The following ZBTB20 variants were observed in gnomAD, a reference collection of about 807,000 sequenced individuals.
ZBTB20 encodes the protein zinc finger and BTB domain-containing protein 20.
Under a neutral mutation model 56.9 loss-of-function variants are expected in ZBTB20, and 9 were observed. That is an observed-to-expected ratio of 0.16 (90% confidence interval 0.10 to 0.28). The LOEUF is 0.28. Among genes scored for constraint, ZBTB20 ranks in the 10% least tolerant of loss-of-function variants. ZBTB20 has a pLI of 1.00. For missense variants in ZBTB20, 655 were observed against 1,003.0 expected, an observed-to-expected ratio of 0.65 and a Z score of 4.69; for synonymous variants, 417 against 420.7, an observed-to-expected ratio of 0.99 and a Z score of 0.11.
At chr3:114,545,712 T>C (rs1198281315) in intron 6 of ZBTB20, among the ~76,000 whole-genome samples, 2 of 152,182 alleles carry the variant, frequency 1.3e-5, no homozygotes, top group Non-Finnish European at 2.9e-5. Context: ...TGAGTACATA[T>C]TACAAGCTTC....
intron 7 of ZBTB20, among the ~76,000 whole-genome samples, chr3:114,422,721 G>C (rs1244843751): frequency 6.6e-6 from 1 of 152,124 alleles, no homozygotes; most frequent in Non-Finnish European, 1.5e-5. Flanking sequence ...TGTAACCGCT[G>C]ATTATTTAGG....
chr3:114,786,175 G>A (rs570210680), intron 5 of ZBTB20, among the ~76,000 whole-genome samples: 1 of 151,726 alleles, frequency 6.6e-6, no homozygotes, highest in African/African-American at 2.4e-5. Context: ...TAAGTTCTGG[G>A]ATACATGTGC....
At chr3:115,011,413 A>T (rs957860442) in intron 2 of ZBTB20, among the ~76,000 whole-genome samples, 4 of 151,890 alleles carry the variant, frequency 2.6e-5, no homozygotes, top group African/African-American at 9.7e-5. Flanking sequence ...ACCAAAAGAA[A>T]TGTAACAAAT....
At chr3:114,992,560 C>G (rs2078861153) in intron 2 of ZBTB20, among the ~76,000 whole-genome samples, 1 of 151,880 alleles carries the variant, frequency 6.6e-6, no homozygotes, top group African/African-American at 2.4e-5. Context: ...GGGCTGAACT[C>G]TTGGTGTCCC....
At chr3:114,610,404 T>C (rs903750129) in intron 6 of ZBTB20, among the ~76,000 whole-genome samples, 2 of 152,200 alleles carry the variant, frequency 1.3e-5, no homozygotes, top group Non-Finnish European at 2.9e-5. Context: ...TGCAGGCCGA[T>C]AGGTCTCCTA....
At chr3:114,799,816 G>A (rs2071586134) in intron 5 of ZBTB20, among the ~76,000 whole-genome samples, 1 of 151,860 alleles carries the variant, frequency 6.6e-6, no homozygotes, top group Non-Finnish European at 1.5e-5. Flanking sequence ...TCACAGTAAG[G>A]TAACCTTGCT....
At chr3:114,393,618 A>T (rs181460555) in intron 7 of ZBTB20, among the ~76,000 whole-genome samples, 1 of 152,214 alleles carries the variant, frequency 6.6e-6, no homozygotes, top group Non-Finnish European at 1.5e-5. Context: ...TACACTCTAA[A>T]AAAGATTCGG....
chr3:114,965,035 A>T (rs935026701), intron 3 of ZBTB20, among the ~76,000 whole-genome samples: 1 of 152,220 alleles, frequency 6.6e-6, no homozygotes, highest in Admixed American at 6.5e-5. Flanking sequence ...ATGATAACAT[A>T]TTAATGGAAG....
intron 5 of ZBTB20, among the ~76,000 whole-genome samples, chr3:114,742,089 A>G (rs2066641339): frequency 1.3e-5 from 2 of 152,162 alleles, no homozygotes; most frequent in African/African-American, 4.8e-5. Context: ...TAGTTTTTAG[A>G]CATGTTTACA....
intron 4 of ZBTB20, among the ~76,000 whole-genome samples, chr3:114,887,463 G>A (rs891521759): frequency 6.6e-6 from 1 of 152,010 alleles, no homozygotes; most frequent in African/African-American, 2.4e-5. Flanking sequence ...AAATCATCCT[G>A]GATTTAAGGT....
chr3:114,481,751 A>G (rs542598018), intron 7 of ZBTB20, among the ~76,000 whole-genome samples: 67 of 152,296 alleles, frequency 4.4e-4, no homozygotes, highest in African/African-American at 1.6e-3. Flanking sequence ...CTATGTCCCT[A>G]TGCTGAAAGG....
intron 1 of ZBTB20, among the ~76,000 whole-genome samples, chr3:115,080,053 T>C (rs1280203806): frequency 1.3e-5 from 2 of 152,200 alleles, no homozygotes; most frequent in Non-Finnish European, 2.9e-5. Flanking sequence ...GTTGAAACTA[T>C]ACCCCCAATG....
intron 3 of ZBTB20, among the ~76,000 whole-genome samples, chr3:114,929,286 G>A (rs755683783): frequency 6.6e-6 from 1 of 152,178 alleles, no homozygotes; most frequent in Non-Finnish European, 1.5e-5. Flanking sequence ...AAGCAGAGAG[G>A]TGGACCTAGA....
intron 5 of ZBTB20, among the ~76,000 whole-genome samples, chr3:114,703,180 T>A (rs2063500616): frequency 6.6e-6 from 1 of 152,182 alleles, no homozygotes; most frequent in African/African-American, 2.4e-5. Context: ...TAACATTCAA[T>A]AAGTCTTTAT....
At chr3:114,845,924 A>G (rs1399567177) in intron 4 of ZBTB20, among the ~76,000 whole-genome samples, 1 of 152,228 alleles carries the variant, frequency 6.6e-6, no homozygotes, top group African/African-American at 2.4e-5. Context: ...AGTCTAGTGG[A>G]AATTTATAAG....
chr3:114,806,655 C>T (rs1279903952), intron 4 of ZBTB20, among the ~76,000 whole-genome samples: 6 of 151,876 alleles, frequency 4.0e-5, no homozygotes, highest in African/African-American at 1.4e-4. Context: ...GGTGTGATAG[C>T]TAAGAACTTT....
At chr3:114,752,571 A>G (rs375811872) in intron 5 of ZBTB20, among the ~76,000 whole-genome samples, 50 of 152,242 alleles carry the variant, frequency 3.3e-4, no homozygotes, top group African/African-American at 1.1e-3. Flanking sequence ...ACTTTTTCCT[A>G]TTGTCTGAAA....
intron 6 of ZBTB20, among the ~76,000 whole-genome samples, chr3:114,626,704 AACAG>A (rs2058675244): frequency 6.6e-6 from 1 of 152,232 alleles, no homozygotes; most frequent in Non-Finnish European, 1.5e-5. Flanking sequence ...CTTGGAGCCT[AACAG>A]TTGTCCAGTA....
At chr3:114,979,441 C>G (rs1416428672) in intron 2 of ZBTB20, among the ~76,000 whole-genome samples, 1 of 151,972 alleles carries the variant, frequency 6.6e-6, no homozygotes, top group African/African-American at 2.4e-5. Context: ...AATTTTCAAT[C>G]CATAGTCCTT....
Sources: gnomAD v4.1 joint callset for allele counts (sites outside exome capture counted in the v4.1 genomes callset) on GRCh38, gnomAD v4.1.1 for gene constraint, MANE v1.5 for transcripts, NCBI Gene and HGNC (gene_info 2026-07-23, HGNC 2026-07-21) for gene names.